TSPYL4: variants seen among roughly 807,000 people sequenced by gnomAD.
TSPYL4 encodes the protein TSPY like 4.
In TSPYL4, 22 loss-of-function variants were observed where a neutral mutation model predicts 24.2. The ratio of observed to expected loss-of-function variants is 0.91; its 90% CI spans 0.65 to 1.30. The LOEUF (loss-of-function observed/expected upper bound fraction) is 1.30. Ranked by LOEUF, TSPYL4 falls within the 50% of genes most tolerant of loss-of-function variation. TSPYL4 has a pLI of 0.00. For missense variants in TSPYL4, 569 were observed against 536.7 expected, an observed-to-expected ratio of 1.06 and a Z score of -0.60; for synonymous variants, 211 against 208.2, an observed-to-expected ratio of 1.01 and a Z score of -0.12.
chr6:116,253,830 C>A lies in TSPYL4; in HGVS notation c.179G>T (p.Gly60Val), dbSNP rs1200008753. 3 of 1,611,744 alleles carry A rather than the reference C, an allele frequency of 1.9e-6. No individual in the cohort carries two copies. Among genetic ancestry groups the A allele is most frequent in the Non-Finnish European group, 2.5e-6 (3 of 1,179,082 alleles). ...GTCGACAGGATCCTGGGATGCACCC[C>A]CCTCCGCAACGGTCTCCAGGCTGCC... is the stretch of plus-strand genomic sequence containing the variant. ...GGGSLETVAE[G>V]GASQDPVDCG... The change falls in exon 1 of 1, where the codon GGG (glycine) becomes GTG (valine). Residue 60 changes from glycine to valine, a missense_variant. By Grantham distance (109) the Gly-to-Val change is moderately radical. Coordinates refer to ENST00000420283, the MANE Select transcript of TSPYL4 (RefSeq NM_021648.5). This position sits in a 1 kb window ranked among gnomAD's most constrained non-coding sequence, Gnocchi z 4.3.
In TSPYL4 at chr6:116,252,639, C is replaced by T; in HGVS notation, c.*125G>A. The T allele has an allele frequency of 1.6e-6, 2 of 1,237,512 alleles. No homozygotes were observed. The highest frequency in any genetic ancestry group is 2.2e-6 in the Non-Finnish European group (2 of 914,928). 76.7% of individuals were successfully genotyped at this position (1,237,512 alleles called of 1,614,324 possible). ...GCAACCGATTACTGAAGATTTAGAA[C>T]CAAAGGAAAAGATAATCCACAGTAT... is the stretch of plus-strand genomic sequence containing the variant. On this transcript the variant is annotated 3_prime_UTR_variant, in exon 1 of 1. Transcript: ENST00000420283.
chr6:116,250,960 C>T lies in TSPYL4; in HGVS notation c.*1804G>A. The T allele has an allele frequency of 5.3e-6, 2 of 377,094 alleles. No homozygotes were observed. Among genetic ancestry groups the T allele is most frequent in the Non-Finnish European group, 9.4e-6 (2 of 213,182 alleles). The allele number at this position is 377,094 out of a possible 1,614,324, so 23.4% of individuals were successfully genotyped here. A position where few individuals can be genotyped will look rare whatever the true frequency, so the allele number is the denominator to read the frequency against. On this transcript the variant is annotated 3_prime_UTR_variant, in exon 1 of 1. Coordinates refer to ENST00000420283, the MANE Select transcript of TSPYL4 (RefSeq NM_021648.5). ...GAAAATCCACACAGATGCTGCACAT[C>T]CCCTTATCCCCTACAAGGAGGCTGG...
Position 116,250,908 on chromosome 6 carries a change from C to G in TSPYL4, c.*1856G>C, listed in dbSNP as rs543056141. On this transcript the variant is annotated 3_prime_UTR_variant, in exon 1 of 1. Transcript: ENST00000420283. ...TCATAACTAAGCCTTGACGGCATCA[C>G]TGTCCCACCTACTGGAACTTGTCCG... 1 of 322,704 alleles carries G rather than the reference C, an allele frequency of 3.1e-6. No individual in the cohort carries two copies. Among genetic ancestry groups the G allele is most frequent in the African/African-American group, 2.1e-5 (1 of 47,210 alleles). The allele number at this position is 322,704 out of a possible 1,614,324, so 20.0% of individuals were successfully genotyped here. A position where few individuals can be genotyped will look rare whatever the true frequency, so the allele number is the denominator to read the frequency against.
rs759484366 is a variant in TSPYL4, at chr6:116,252,960, G to C, written c.1049C>G (p.Thr350Ser). 6.2e-7 allele frequency: 1 copy of C among 1,614,064 alleles called. No homozygotes were observed. Among genetic ancestry groups the C allele is most frequent in the Non-Finnish European group, 8.5e-7 (1 of 1,179,950 alleles). ...AAACCAGTTGAAGAAACTAGGGATA[G>C]TGTTCCCTTCCCGGTTTCTGTGGAT... ...AHIHRNREGN[T>S]IPSFFNWFSD... Residue 350 changes from threonine to serine, a missense_variant, in exon 1 of 1, where the codon ACT becomes AGT. Coordinates refer to ENST00000420283, the MANE Select transcript of TSPYL4 (RefSeq NM_021648.5).
chr6:116,251,286 G>A lies in TSPYL4; in HGVS notation c.*1478C>T, dbSNP rs1771947129. The A allele has an allele frequency of 1.0e-5, 4 of 398,546 alleles. No homozygotes were observed. Among genetic ancestry groups the A allele is most frequent in the East Asian group, 3.6e-5 (1 of 28,076 alleles). The allele number at this position is 398,546 out of a possible 1,614,324, so 24.7% of individuals were successfully genotyped here. On this transcript the variant is annotated 3_prime_UTR_variant, in exon 1 of 1. Transcript: ENST00000420283. ...TTTGACCCGTCCTGAACCCATCACTGTGAGGCCCTTCTCTCTCTTTCCAGC... is the reference window on the plus strand; with the variant it reads ...TTTGACCCGTCCTGAACCCATCACTATGAGGCCCTTCTCTCTCTTTCCAGC...
chr6:116,251,834 G>C lies in TSPYL4; in HGVS notation c.*930C>G, dbSNP rs1771956127. 6.6e-6 allele frequency: 1 copy of C among 152,250 alleles called. No homozygotes were observed. The allele number at this position is 152,250 out of a possible 1,614,324, so 9.4% of individuals were successfully genotyped here. ...ATTAAGGATGGTTTGTTGGCTAGGA[G>C]TCAGAAAGACTAAGCTGGAAGGGAC... On this transcript the variant is annotated 3_prime_UTR_variant, in exon 1 of 1. Transcript: ENST00000420283.
rs758109181 is a variant in TSPYL4 at position 116,253,356 on chromosome 6, T to C, written c.653A>G (p.Asn218Ser). Residue 218 changes from asparagine (N) to serine (S), a missense_variant, in exon 1 of 1, where the codon AAT becomes AGT. Asn to Ser is a conservative substitution (Grantham distance 46, BLOSUM62 1). Coordinates refer to ENST00000420283, the MANE Select transcript of TSPYL4 (RefSeq NM_021648.5). The surrounding 1 kb of genome is among the most constrained non-coding windows in gnomAD (Gnocchi z 4.3). ...AAGGAAGGCCCTGTCAGCCTGGGCATTTACGTTTGACAACTCTTGATCGAT... is the reference window on the plus strand; with the variant it reads ...AAGGAAGGCCCTGTCAGCCTGGGCACTTACGTTTGACAACTCTTGATCGAT... ...EAIDQELSNVNAQADRAFLQL... is the reference protein window; with the variant it reads ...EAIDQELSNVSAQADRAFLQL... The C allele has an allele frequency of 3.2e-6, 5 of 1,557,064 alleles. No individual in the cohort carries two copies. The South Asian group carries it at 3.5e-5, about 11-fold the overall frequency.
In TSPYL4 at chr6:116,249,967, TTTAAA is replaced by T. The variant is rs1450750320; in HGVS notation, c.*2792_*2796del. The T allele has an allele frequency of 6.6e-6, 1 of 152,148 alleles. No individual in the cohort carries two copies. The highest frequency in any genetic ancestry group is 2.4e-5 in the African/African-American group (1 of 41,436). 9.4% of individuals were successfully genotyped at this position (152,148 alleles called of 1,614,324 possible). On this transcript the variant is annotated 3_prime_UTR_variant, in exon 1 of 1. Transcript: ENST00000420283. ...AATTAACCTAGACAACACAGAATTT[TTTAAA>T]TTATTTTTATTTTTTGATGAAAACA...
rs551220956 is a variant in TSPYL4, at chr6:116,250,340, G to A, written c.*2424C>T. The A allele has an allele frequency of 6.6e-6, 1 of 152,662 alleles. No individual in the cohort carries two copies. The highest frequency in any genetic ancestry group is 2.1e-4 in the South Asian group (1 of 4,820). The allele number at this position is 152,662 out of a possible 1,614,324, so 9.5% of individuals were successfully genotyped here. A position where few individuals can be genotyped will look rare whatever the true frequency, so the allele number is the denominator to read the frequency against. ...TTCACTGAATTCTTCATACTGCACAGGACACAAATTTGGTATTTTTGCACA... is the reference window on the plus strand; with the variant it reads ...TTCACTGAATTCTTCATACTGCACAAGACACAAATTTGGTATTTTTGCACA... On this transcript the variant is annotated 3_prime_UTR_variant, in exon 1 of 1. Transcript: ENST00000420283.
Position 116,253,348 on chromosome 6 carries a change from C to G in TSPYL4, c.661G>C (p.Ala221Pro). 2.6e-6 allele frequency: 4 copies of G among 1,560,530 alleles called. No homozygotes were observed. Among genetic ancestry groups the G allele is most frequent in the Non-Finnish European group, 3.5e-6 (4 of 1,151,764 alleles). ...DQELSNVNAQ[A>P]DRAFLQLERK... ...TCAAGCTGAAGGAAGGCCCTGTCAGCCTGGGCATTTACGTTTGACAACTCT... is the reference window on the plus strand; with the variant it reads ...TCAAGCTGAAGGAAGGCCCTGTCAGGCTGGGCATTTACGTTTGACAACTCT... Residue 221 changes from alanine (A) to proline (P), a missense_variant, in exon 1 of 1, where the codon GCT becomes CCT. Transcript: ENST00000420283. This position sits in a 1 kb window ranked among gnomAD's most constrained non-coding sequence, Gnocchi z 4.3.
In TSPYL4 at chr6:116,253,058, G is replaced by A; in HGVS notation, c.951C>T (p.Arg317=). The change falls in exon 1 of 1, where the codon CGC becomes CGT. Residue 317 remains arginine (R), a synonymous_variant. Transcript: ENST00000420283. The surrounding 1 kb of genome is among the most constrained non-coding windows in gnomAD (Gnocchi z 4.3). ...GAGACACCACCCGGCCAGAGGATCT[G>A]CGTTCATATTCCTTGACAAGCCCCT... The part of the protein sequence containing the change: ...RNEGLVKEYE[R]RSSGRVVSLS... 1 of 1,614,174 alleles carries A rather than the reference G, an allele frequency of 6.2e-7. No individual in the cohort carries two copies. Among genetic ancestry groups the A allele is most frequent in the Non-Finnish European group, 8.5e-7 (1 of 1,180,032 alleles).
rs973976594 is a variant in TSPYL4 at position 116,253,669 on chromosome 6, T to G, written c.340A>C (p.Lys114Gln). Residue 114 changes from lysine to glutamine, a missense_variant, in exon 1 of 1, where the codon AAA becomes CAA. Coordinates refer to ENST00000420283, the MANE Select transcript of TSPYL4 (RefSeq NM_021648.5). The surrounding 1 kb of genome is among the most constrained non-coding windows in gnomAD (Gnocchi z 4.3). Reference sequence around the variant, plus strand: ...GGCTCTCCAAGCTGACAGCCATTTTTCTGGCTGCTGTCAGCAGCCTCGGCG... The same window carrying G: ...GGCTCTCCAAGCTGACAGCCATTTTGCTGGCTGCTGTCAGCAGCCTCGGCG... The part of the protein sequence containing the change: ...SAAEAADSSQ[K>Q]NGCQLGEPRG... 2 of 1,557,086 alleles carry G rather than the reference T, an allele frequency of 1.3e-6. No homozygotes were observed. Among genetic ancestry groups the G allele is most frequent in the Non-Finnish European group, 1.7e-6 (2 of 1,148,776 alleles).
Position 116,253,277 on chromosome 6 carries a change from A to G in TSPYL4, c.732T>C (p.Ser244=), listed in dbSNP as rs1437276544. The change falls in exon 1 of 1, where the codon AGT becomes AGC. Residue 244 remains serine, a synonymous_variant. Coordinates refer to ENST00000420283, the MANE Select transcript of TSPYL4 (RefSeq NM_021648.5). The surrounding 1 kb of genome is among the most constrained non-coding windows in gnomAD (Gnocchi z 4.3). ...AACCTGGGATATTCTGGATAATGAA[A>G]CTTCTGCGCTGCATGTGGAGCCTTC... ...RMRRLHMQRR[S]FIIQNIPGFW... The G allele has an allele frequency of 6.2e-7, 1 of 1,609,850 alleles. No individual in the cohort carries two copies. Among genetic ancestry groups the G allele is most frequent in the Non-Finnish European group, 8.5e-7 (1 of 1,177,812 alleles).
chr6:116,252,446 T>C lies in TSPYL4; in HGVS notation c.*318A>G, dbSNP rs1409062465. On this transcript the variant is annotated 3_prime_UTR_variant, in exon 1 of 1. Coordinates refer to ENST00000420283, the MANE Select transcript of TSPYL4 (RefSeq NM_021648.5). ...ATTGGGAGAAGAGCATGGTCACAGA[T>C]AGGGTCCAAGCCATGCAAAGAAAGG... The C allele has an allele frequency of 7.2e-6, 2 of 279,616 alleles. No individual in the cohort carries two copies. Among genetic ancestry groups the C allele is most frequent in the South Asian group, 9.2e-5 (1 of 10,922 alleles). The allele number at this position is 279,616 out of a possible 1,614,324, so 17.3% of individuals were successfully genotyped here.
chr6:116,251,282 C>T lies in TSPYL4; in HGVS notation c.*1482G>A. On this transcript the variant is annotated 3_prime_UTR_variant, in exon 1 of 1. Transcript: ENST00000420283. The stretch of plus-strand genomic sequence containing the variant: ...TGCCTTTGACCCGTCCTGAACCCAT[C>T]ACTGTGAGGCCCTTCTCTCTCTTTC... 1 of 398,728 alleles carries T rather than the reference C, an allele frequency of 2.5e-6. No homozygotes were observed. Among genetic ancestry groups the T allele is most frequent in the Non-Finnish European group, 4.4e-6 (1 of 226,132 alleles). The allele number at this position is 398,728 out of a possible 1,614,324, so 24.7% of individuals were successfully genotyped here. A position where few individuals can be genotyped will look rare whatever the true frequency, so the allele number is the denominator to read the frequency against.
rs773128551 is a variant in TSPYL4, at chr6:116,252,486, A to C, written c.*278T>G. On this transcript the variant is annotated 3_prime_UTR_variant, in exon 1 of 1. Coordinates refer to ENST00000420283, the MANE Select transcript of TSPYL4 (RefSeq NM_021648.5). Reference sequence around the variant, plus strand: ...GCAAAGAAAGGCAGTATGGTACACTATATCTATAGTATCATACGCTTGGCA... The same window carrying C: ...GCAAAGAAAGGCAGTATGGTACACTCTATCTATAGTATCATACGCTTGGCA... 1.7e-5 allele frequency: 7 copies of C among 406,890 alleles called. No individual in the cohort carries two copies. The highest frequency in any genetic ancestry group is 3.1e-5 in the Non-Finnish European group (7 of 227,578). The allele number at this position is 406,890 out of a possible 1,614,324, so 25.2% of individuals were successfully genotyped here. A position where few individuals can be genotyped will look rare whatever the true frequency, so the allele number is the denominator to read the frequency against.
chr6:116,253,958 G>A lies in TSPYL4; in HGVS notation c.51C>T (p.Gly17=), dbSNP rs2232469. Residue 17 remains glycine (G), a synonymous_variant, in exon 1 of 1, where the codon GGC becomes GGT. Coordinates refer to ENST00000420283, the MANE Select transcript of TSPYL4 (RefSeq NM_021648.5). The surrounding 1 kb of genome is among the most constrained non-coding windows in gnomAD (Gnocchi z 4.3). ...GNKLPLAQTG[G]LAAPDHASGD... ...CTGAGGCATGGTCGGGAGCAGCCAG[G>A]CCGCCGGTTTGGGCGAGAGGGAGCT... 15 of 1,603,936 alleles carry A rather than the reference G, an allele frequency of 9.4e-6. No homozygotes were observed. The highest frequency in any genetic ancestry group is 3.4e-5 in the Admixed American group (2 of 58,054).
Position 116,253,521 on chromosome 6 carries a change from A to T in TSPYL4, c.488T>A (p.Val163Glu), listed in dbSNP as rs1379956184. 6.5e-7 allele frequency: 1 copy of T among 1,548,584 alleles called. No individual in the cohort carries two copies. Among genetic ancestry groups the T allele is most frequent in the Admixed American group, 2.0e-5 (1 of 50,772 alleles). ...TTKKRAISAA[V>E]EKEGEAGAAM... is the part of the protein sequence containing the mutation. The stretch of plus-strand genomic sequence containing the variant: ...CGCCCCTGCTTCTCCCTCCTTTTCC[A>T]CTGCTGCCGAGATGGCGCGTTTTTT... The change falls in exon 1 of 1, where the codon GTG (valine) becomes GAG (glutamate). Residue 163 changes from valine (V) to glutamate (E), a missense_variant. By Grantham distance (121) the Val-to-Glu change is moderately radical. Transcript: ENST00000420283. This position sits in a 1 kb window ranked among gnomAD's most constrained non-coding sequence, Gnocchi z 4.3.
rs1177273623 is a variant in TSPYL4 at position 116,253,173 on chromosome 6, A to C, written c.836T>G (p.Met279Arg). 6.2e-7 allele frequency: 1 copy of C among 1,613,946 alleles called. No individual in the cohort carries two copies. The highest frequency in any genetic ancestry group is 8.5e-7 in the Non-Finnish European group (1 of 1,179,966). Residue 279 changes from methionine to arginine, a missense_variant, in exon 1 of 1, where the codon ATG (methionine) becomes AGG (arginine). Coordinates refer to ENST00000420283, the MANE Select transcript of TSPYL4 (RefSeq NM_021648.5). The surrounding 1 kb of genome is among the most constrained non-coding windows in gnomAD (Gnocchi z 4.3). ...AAGCTCCTCCACCTCCAAATTGATCATGTACCTCAGCATGTCTTCATCTTG... is the reference window on the plus strand; with the variant it reads ...AAGCTCCTCCACCTCCAAATTGATCCTGTACCTCAGCATGTCTTCATCTTG... The part of the protein sequence containing the change: ...SGQDEDMLRY[M>R]INLEVEELKH...
Sources: gnomAD v4.1 joint callset for allele counts on GRCh38, gnomAD v4.1.1 for gene constraint, Gnocchi (gnomAD v3.1) non-coding constraint, MANE v1.5 for transcripts, NCBI Gene and HGNC (gene_info 2026-07-23, HGNC 2026-07-21) for gene names.